Variants in PDE11A observed in about 807,000 individuals in gnomAD.
The protein encoded by PDE11A is phosphodiesterase 11A.
Under a neutral mutation model 100.5 loss-of-function variants are expected in PDE11A, and 100 were observed. The observed-to-expected ratio is 1.00, with a 90% CI of 0.85 to 1.18. The LOEUF (loss-of-function observed/expected upper bound fraction) is 1.18. PDE11A is among the 50% of genes most tolerant of loss of function. The pLI is 0.00. For synonymous variants in PDE11A, 381 were observed against 420.8 expected (o/e 0.91, Z 1.16); for missense variants, 1,141 against 1,152.6 (o/e 0.99, Z 0.15).
At chr2:177,678,140 A>G (rs1048204490) in intron 16 of PDE11A, among the ~76,000 whole-genome samples, 2 of 152,228 alleles carry the variant, frequency 1.3e-5, no homozygotes, top group African/African-American at 4.8e-5. Flanking sequence ...AAATGACAGA[A>G]TGAAAGTATC....
chr2:177,768,908 G>A (rs982323776), intron 10 of PDE11A, among the ~76,000 whole-genome samples: 3 of 152,152 alleles, frequency 2.0e-5, no homozygotes, highest in Admixed American at 6.5e-5. Flanking sequence ...TAGTGTGTCT[G>A]GCACACAGCA....
chr2:177,669,035 T>C (rs1396114565), intron 18 of PDE11A, among the ~76,000 whole-genome samples: 2 of 152,184 alleles, frequency 1.3e-5, no homozygotes, highest in Non-Finnish European at 2.9e-5. Flanking sequence ...GTTCCCCAGG[T>C]GAAACTTTTT....
chr2:177,931,009 T>C (rs1349519050), intron 2 of PDE11A, among the ~76,000 whole-genome samples: 1 of 152,186 alleles, frequency 6.6e-6, no homozygotes, highest in African/African-American at 2.4e-5. Context: ...GGCTAATCCA[T>C]AGATCCCACA....
intron 10 of PDE11A, among the ~76,000 whole-genome samples, chr2:177,740,641 C>T (rs887273911): frequency 6.6e-6 from 1 of 152,194 alleles, no homozygotes; most frequent in Non-Finnish European, 1.5e-5. Context: ...GTGTTTGTAA[C>T]CACTACCCTA....
At chr2:178,030,105 A>G (rs2086525909) in intron 1 of PDE11A, among the ~76,000 whole-genome samples, 1 of 152,180 alleles carries the variant, frequency 6.6e-6, no homozygotes, top group African/African-American at 2.4e-5. Context: ...GACAAAAATT[A>G]ACAAAGTTCA....
At chr2:177,797,225 A>G (rs887362490) in intron 9 of PDE11A, 2 of 152,200 alleles carry the variant, frequency 1.3e-5, no homozygotes, top group Non-Finnish European at 2.9e-5. Context: ...CTCTCCTGCA[A>G]CTGATAGGAC....
At chr2:178,013,472 C>T (rs151021774) in intron 2 of PDE11A, among the ~76,000 whole-genome samples, 1 of 152,134 alleles carries the variant, frequency 6.6e-6, no homozygotes, top group East Asian at 1.9e-4. Context: ...CCTTCTGTGC[C>T]AGAACATTTG....
At chr2:177,724,521 A>G (rs1229597191) in intron 12 of PDE11A, among the ~76,000 whole-genome samples, 2 of 152,104 alleles carry the variant, frequency 1.3e-5, no homozygotes, top group Non-Finnish European at 2.9e-5. Flanking sequence ...TTTGTTCAGC[A>G]GTGACACACA....
intron 19 of PDE11A, among the ~76,000 whole-genome samples, chr2:177,642,009 G>A (rs904152672): frequency 2.6e-5 from 4 of 152,154 alleles, no homozygotes; most frequent in Admixed American, 6.5e-5. Flanking sequence ...GGGCCACAGA[G>A]CCAGGGTTTG....
chr2:177,826,038 G>C (rs2083221452), intron 6 of PDE11A, among the ~76,000 whole-genome samples: 2 of 152,092 alleles, frequency 1.3e-5, no homozygotes, highest in Admixed American at 1.3e-4. Context: ...ATGGTGCCTT[G>C]GTCATTCTTG....
intron 2 of PDE11A, among the ~76,000 whole-genome samples, chr2:177,981,163 C>T (rs945762752): frequency 8.0e-5 from 12 of 150,706 alleles, no homozygotes; most frequent in Admixed American, 7.9e-4. Flanking sequence ...AATAGCCTTC[C>T]TGAGATTGGT....
chr2:177,797,324 A>G (rs1222947062), intron 9 of PDE11A: 3 of 152,202 alleles, frequency 2.0e-5, no homozygotes, highest in African/African-American at 7.2e-5. Context: ...CTCTACTTCT[A>G]GCTGTGAAAT....
chr2:177,670,531 A>C (rs1485825106), intron 17 of PDE11A, among the ~76,000 whole-genome samples: 1 of 152,198 alleles, frequency 6.6e-6, no homozygotes, highest in Non-Finnish European at 1.5e-5. Flanking sequence ...GATTTAAAAA[A>C]ATATTGGAAG....
chr2:177,671,160 G>A (rs968592922), intron 17 of PDE11A, among the ~76,000 whole-genome samples: 4 of 152,142 alleles, frequency 2.6e-5, no homozygotes, highest in African/African-American at 7.2e-5. Flanking sequence ...CACATCAGGC[G>A]CCTCAAGGTG....
At chr2:177,779,229 A>C (rs1247551650) in intron 9 of PDE11A, among the ~76,000 whole-genome samples, 3 of 152,224 alleles carry the variant, frequency 2.0e-5, no homozygotes, top group Non-Finnish European at 2.9e-5. Context: ...TAGAAATGCT[A>C]ATGATCATCT....
chr2:177,935,296 C>T (rs1295242133), intron 2 of PDE11A, among the ~76,000 whole-genome samples: 2 of 152,174 alleles, frequency 1.3e-5, no homozygotes, highest in Non-Finnish European at 2.9e-5. Flanking sequence ...CTTACCACCA[C>T]TTCTCAGACT....
At chr2:177,813,595 A>G (rs1191104057) in intron 9 of PDE11A, among the ~76,000 whole-genome samples, 1 of 152,148 alleles carries the variant, frequency 6.6e-6, no homozygotes, top group Non-Finnish European at 1.5e-5. Context: ...AGGATGTACC[A>G]TGGAGAGAAG....
At chr2:177,829,280 T>G (rs547555301) in intron 6 of PDE11A, among the ~76,000 whole-genome samples, 1 of 152,304 alleles carries the variant, frequency 6.6e-6, no homozygotes, top group Admixed American at 6.5e-5. Context: ...TTTATGTATA[T>G]ACCCACATAT....
intron 10 of PDE11A, among the ~76,000 whole-genome samples, chr2:177,755,055 T>C (rs2082072801): frequency 1.3e-5 from 2 of 152,192 alleles, no homozygotes; most frequent in African/African-American, 4.8e-5. Context: ...GGCTTTTCTA[T>C]ATATCAGAGA....
Sources: gnomAD v4.1 joint callset for allele counts (sites outside exome capture counted in the v4.1 genomes callset) on GRCh38, gnomAD v4.1.1 for gene constraint, MANE v1.5 for transcripts, NCBI Gene and HGNC (gene_info 2026-07-23, HGNC 2026-07-21) for gene names.